Variants in ARHGEF3 observed in about 807,000 individuals in gnomAD.
The protein encoded by ARHGEF3 is Rho guanine nucleotide exchange factor 3.
A neutral mutation model predicts 63.2 loss-of-function variants in ARHGEF3; 28 were observed. That is an observed-to-expected ratio of 0.44 (90% CI 0.33 to 0.61). The LOEUF (loss-of-function observed/expected upper bound fraction) is 0.61, where lower values mean the gene tolerates loss of function less well. ARHGEF3 is among the 20% of genes least tolerant of loss of function. ARHGEF3 has a pLI of 0.03. For synonymous variants in ARHGEF3, 266 were observed against 254.2 expected, an observed-to-expected ratio of 1.05 and a Z score of -0.44; for missense variants, 533 against 659.3, an observed-to-expected ratio of 0.81 and a Z score of 2.10.
intron 3 of ARHGEF3, among the ~76,000 whole-genome samples, chr3:56,926,680 G>C (rs2042283432): frequency 6.6e-6 from 1 of 152,178 alleles, no homozygotes; most frequent in Non-Finnish European, 1.5e-5. Context: ...GATAATTTAT[G>C]GAGAAAACAA....
chr3:56,753,784 T>C (rs965829442), intron 3 of ARHGEF3, among the ~76,000 whole-genome samples: 3 of 152,250 alleles, frequency 2.0e-5, no homozygotes, highest in Non-Finnish European at 2.9e-5. Flanking sequence ...AGAAAGTTTC[T>C]ACACATTTCT....
chr3:56,876,233 G>A (rs577906048), intron 4 of ARHGEF3, among the ~76,000 whole-genome samples: 16 of 152,268 alleles, frequency 1.1e-4, no homozygotes, highest in South Asian at 2.1e-4. Context: ...GGGGCCAGAC[G>A]GTGCAAGGCT....
At chr3:57,058,818 AATG>A (rs1705057840) in intron 1 of ARHGEF3, among the ~76,000 whole-genome samples, 3 of 152,110 alleles carry the variant, frequency 2.0e-5, no homozygotes. Context: ...AGCCATAAAA[AATG>A]ATGAGTTCAT....
At chr3:57,028,290 C>G (rs1409100139) in intron 2 of ARHGEF3, among the ~76,000 whole-genome samples, 1 of 96,706 alleles carries the variant, frequency 1.0e-5, no homozygotes, top group African/African-American at 4.1e-5. Flanking sequence ...TTGGAACCAA[C>G]CCAAATGTCC....
At position 57,067,221 on chromosome 3, in the gene ARHGEF3, G is replaced by A. The variant is rs7621409; in HGVS notation, c.-28+12005C>T. 9.4e-3 allele frequency among the ~76,000 whole-genome samples: 1,430 copies of A among 152,182 alleles called. 26 individuals are homozygous for A. The highest frequency in any genetic ancestry group is 0.033 in the African/African-American group (1,358 of 41,522). ...AATCCCAGTACTTTGGGAGGCCAAG[G>A]CGGGTGGATCACAAGGTCAGGAGAT... On this transcript the variant is annotated intron_variant, in intron 1 of 12. Transcript: ENST00000338458.
chr3:56,985,700 C>T lies in ARHGEF3; in HGVS notation c.63-26811G>A, dbSNP rs554333466. 4.6e-5 allele frequency among the ~76,000 whole-genome samples: 7 copies of T among 152,296 alleles called. No homozygotes were observed. In the East Asian group the frequency reaches 5.8e-4, roughly 13 times the overall value. On this transcript the variant is annotated intron_variant, in intron 2 of 12. Coordinates refer to the ARHGEF3 transcript ENST00000338458. ...GAACAGCATAGCTGAGAGCAGCCTG[C>T]GGCCTCGCCCCCTCGATCCCCTCAC...
rs192619526 is a variant in ARHGEF3, at chr3:56,972,849, A to T, written c.63-13960T>A. 1.1e-3 allele frequency among the ~76,000 whole-genome samples: 172 copies of T among 152,088 alleles called. 1 individual carries two copies. The highest frequency in any genetic ancestry group is 6.8e-3 in the Middle Eastern group (2 of 294). On this transcript the variant is annotated intron_variant, in intron 2 of 12. Coordinates refer to the ARHGEF3 transcript ENST00000338458. ...AGAAAACAAACCTGACCTAAGTTTTAAAAGGATTGCTGTCAATGTTGTATG... is the reference window on the plus strand; with the variant it reads ...AGAAAACAAACCTGACCTAAGTTTTTAAAGGATTGCTGTCAATGTTGTATG...
At chr3:56,809,884 C>T (rs1235747628) in intron 4 of ARHGEF3, among the ~76,000 whole-genome samples, 1 of 152,030 alleles carries the variant, frequency 6.6e-6, no homozygotes, top group Non-Finnish European at 1.5e-5. Context: ...AGATGTGCAC[C>T]ACCATGCCTG....
At chr3:56,926,054 C>A (rs1283160751) in intron 3 of ARHGEF3, among the ~76,000 whole-genome samples, 2 of 152,242 alleles carry the variant, frequency 1.3e-5, no homozygotes, top group Non-Finnish European at 2.9e-5. Flanking sequence ...CAGACCTGTA[C>A]ACAATGCTCA....
chr3:57,068,732 C>T (rs1036174990), intron 1 of ARHGEF3, among the ~76,000 whole-genome samples: 1 of 152,088 alleles, frequency 6.6e-6, no homozygotes, highest in African/African-American at 2.4e-5. Flanking sequence ...GGAACTGAAG[C>T]GCCAAACCTC....
chr3:57,027,671 G>A (rs867017001), intron 2 of ARHGEF3, among the ~76,000 whole-genome samples: 7 of 152,054 alleles, frequency 4.6e-5, no homozygotes, highest in African/African-American at 1.2e-4. Context: ...CCTGGCCAAC[G>A]TGGTGAAACC....
At chr3:56,832,065 CA>C (rs1282573899) in intron 4 of ARHGEF3, among the ~76,000 whole-genome samples, 1 of 150,886 alleles carries the variant, frequency 6.6e-6, no homozygotes, top group Non-Finnish European at 1.5e-5. Context: ...AAAGACTGCA[CA>C]AACTAGAGGG....
At chr3:56,969,399 A>ATATAG (rs1280514699) in intron 2 of ARHGEF3, among the ~76,000 whole-genome samples, 9 of 113,820 alleles carry the variant, frequency 7.9e-5, no homozygotes, top group East Asian at 3.4e-4. Flanking sequence ...TTGATCAATA[A>ATATAG]GAATTTTTCA....
chr3:56,924,368 C>G (rs549215070), intron 3 of ARHGEF3, among the ~76,000 whole-genome samples: 3 of 152,210 alleles, frequency 2.0e-5, no homozygotes, highest in East Asian at 3.8e-4. Flanking sequence ...AGCGACACTA[C>G]GTGTTCCTTA....
intron 2 of ARHGEF3, among the ~76,000 whole-genome samples, chr3:56,966,149 C>G (rs1211383254): frequency 2.0e-5 from 3 of 152,170 alleles, no homozygotes; most frequent in African/African-American, 7.2e-5. Flanking sequence ...GATGTTAAGA[C>G]TATTTCAACC....
rs149966650 is a variant in ARHGEF3 at position 56,912,604 on chromosome 3, G to T, written c.130-30250C>A. On this transcript the variant is annotated intron_variant, in intron 3 of 12. Coordinates refer to the ARHGEF3 transcript ENST00000338458. ...GTAGCCAATCCCTACAGTGTTGTAA[G>T]ACTTTCATGAGCAAATCTGAGTAAA... Among the ~76,000 whole-genome samples the T allele has an allele frequency of 2.0e-5, 3 of 152,298 alleles. No homozygotes were observed. In the East Asian group the frequency reaches 5.8e-4, roughly 29 times the overall value.
intron 1 of ARHGEF3, among the ~76,000 whole-genome samples, chr3:57,058,148 C>T (rs1224277006): frequency 6.6e-6 from 1 of 152,036 alleles, no homozygotes; most frequent in Non-Finnish European, 1.5e-5. Flanking sequence ...CCTGAAAGAA[C>T]AAGTTTCTTT....
intron 2 of ARHGEF3, among the ~76,000 whole-genome samples, chr3:56,970,445 G>A (rs544443959): frequency 6.6e-5 from 10 of 152,150 alleles, no homozygotes; most frequent in Admixed American, 1.3e-4. Context: ...GCTTAGTGGT[G>A]GAGTTTTATC....
chr3:56,758,074 T>G (rs1391668676), intron 2 of ARHGEF3, among the ~76,000 whole-genome samples: 1 of 151,324 alleles, frequency 6.6e-6, no homozygotes, highest in Non-Finnish European at 1.5e-5. Context: ...GGTCAGGAGT[T>G]CAAGACCAGC....
Sources: allele counts gnomAD v4.1 joint callset (sites outside exome capture counted in the v4.1 genomes callset), GRCh38; gene constraint gnomAD v4.1.1; transcripts MANE v1.5; gene names NCBI Gene and HGNC (gene_info 2026-07-23, HGNC 2026-07-21).